LRP1: variants seen among roughly 807,000 people sequenced by gnomAD.
The protein encoded by LRP1 is prolow-density lipoprotein receptor-related protein 1.
LRP1 carries 51 observed loss-of-function variants against 541.5 expected under a neutral mutation model. The observed-to-expected ratio is 0.09, with a 90% CI of 0.08 to 0.12. The LOEUF (loss-of-function observed/expected upper bound fraction) is 0.12. LRP1 is among the 10% of genes least tolerant of loss of function. The pLI, the probability that LRP1 is intolerant of heterozygous loss-of-function variation, is 1.00. For synonymous variants in LRP1, 2,219 were observed against 2,470.8 expected, an observed-to-expected ratio of 0.90 and a Z score of 3.02; for missense variants, 3,878 against 6,376.2, an observed-to-expected ratio of 0.61 and a Z score of 13.34.
In LRP1 at chr12:57,202,528, G is replaced by A. The variant is rs1345514285; in HGVS notation, c.10702G>A (p.Glu3568Lys). ...DNDCGDNSDE[E>K]SCTPRPCSES... is the part of the protein sequence containing the mutation. Reference sequence around the variant, plus strand: ...CGATTGCGGTGACAACTCCGATGAAGAGAGCTGCAGTACGTCCCCACCCAC... The same window carrying A: ...CGATTGCGGTGACAACTCCGATGAAAAGAGCTGCAGTACGTCCCCACCCAC... The change falls in exon 68 of 89, where the codon GAG becomes AAG. Residue 3568 changes from glutamate (E) to lysine (K), a missense_variant. By Grantham distance (56) the Glu-to-Lys change is moderately conservative (BLOSUM62 1). Coordinates refer to ENST00000243077, the MANE Select transcript of LRP1 (RefSeq NM_002332.3). The A allele has an allele frequency of 6.2e-7, 1 of 1,605,194 alleles. No individual in the cohort carries two copies. The highest frequency in any genetic ancestry group is 1.1e-5 in the South Asian group (1 of 89,666).
chr12:57,145,195 G>A (rs370313540), intron 5 of LRP1, 32 bp from the exon 6 acceptor site: 15 of 1,613,648 alleles, frequency 9.3e-6, no homozygotes, highest in African/African-American at 1.3e-5. Flanking sequence ...TAGAGCCCTG[G>A]CTGCACGGAC....
chr12:57,132,083 A>T (rs1204283973), intron 1 of LRP1: 5 of 152,304 alleles, frequency 3.3e-5, no homozygotes, highest in Non-Finnish European at 5.9e-5. Context: ...GTGCAGCTGA[A>T]TGGTACTGCA....
chr12:57,212,804 G>T lies in LRP1; in HGVS notation c.*249G>T. 4.2e-6 allele frequency: 2 copies of T among 476,064 alleles called. No individual in the cohort carries two copies. Among genetic ancestry groups the T allele is most frequent in the South Asian group, 2.6e-5 (1 of 38,302 alleles). 29.5% of individuals were successfully genotyped at this position (476,064 alleles called of 1,614,324 possible). On this transcript the variant is annotated 3_prime_UTR_variant, in exon 89 of 89. Transcript: ENST00000243077. The surrounding 1 kb of genome is among the most constrained non-coding windows in gnomAD (Gnocchi z 5.0). ...AGGGAGACAGGCAGGGAGGGCTTGGGGCTGCACCTCCTACCCTCCCACCAG... is the reference window on the plus strand; with the variant it reads ...AGGGAGACAGGCAGGGAGGGCTTGGTGCTGCACCTCCTACCCTCCCACCAG...
chr12:57,149,033 G>T, intron 6 of LRP1: 1 of 653,560 alleles, frequency 1.5e-6, no homozygotes, highest in East Asian at 2.9e-5. Context: ...TTGTCTAGAG[G>T]GGAGGCAAAG....
chr12:57,211,001 T>C lies in LRP1; in HGVS notation c.12916+122T>C. On this transcript the variant is annotated intron_variant, in intron 83 of 88. Coordinates refer to ENST00000243077, the MANE Select transcript of LRP1 (RefSeq NM_002332.3). This position sits in a 1 kb window ranked among gnomAD's most constrained non-coding sequence, Gnocchi z 4.3. ...GGCAAGTTCAGGAAAGAAGGCCTTATGCAGCTGAGCCAGGCCCAAGCTGCT... is the reference window on the plus strand; with the variant it reads ...GGCAAGTTCAGGAAAGAAGGCCTTACGCAGCTGAGCCAGGCCCAAGCTGCT... 3 of 1,431,358 alleles carry C rather than the reference T, an allele frequency of 2.1e-6. No individual in the cohort carries two copies. The highest frequency in any genetic ancestry group is 2.8e-6 in the Non-Finnish European group (3 of 1,063,544). The allele number at this position is 1,431,358 out of a possible 1,614,324, so 88.7% of individuals were successfully genotyped here.
At chr12:57,145,869 T>C (rs1468801712) in intron 6 of LRP1, among the ~76,000 whole-genome samples, 1 of 152,098 alleles carries the variant, frequency 6.6e-6, no homozygotes, top group African/African-American at 2.4e-5. Flanking sequence ...GGTGCCCTGT[T>C]AGGCTGCAGC....
intron 15 of LRP1, among the ~76,000 whole-genome samples, chr12:57,163,963 G>C (rs2035789948): frequency 6.6e-6 from 1 of 152,162 alleles, no homozygotes; most frequent in African/African-American, 2.4e-5. Context: ...TTGAGGTCAG[G>C]AGTTCGAGAC....
rs535646304 is a variant in LRP1, at chr12:57,161,508, T to G, written c.2202+393T>G. On this transcript the variant is annotated intron_variant, in intron 13 of 88. Coordinates refer to ENST00000243077, the MANE Select transcript of LRP1 (RefSeq NM_002332.3). ...GCCTAGGGACGGCATATCTCTACAC[T>G]TGGTCATTTGGGTTGTCATGTGCTT... Among the ~76,000 whole-genome samples, 3 of 152,232 alleles carry G rather than the reference T, an allele frequency of 2.0e-5. No individual in the cohort carries two copies. The South Asian group carries it at 6.2e-4, about 32-fold the overall frequency.
In LRP1 at chr12:57,144,634, A is replaced by G; in HGVS notation, c.449-338A>G. 3 of 287,432 alleles carry G rather than the reference A, an allele frequency of 1.0e-5. No individual in the cohort carries two copies. In the South Asian group the frequency reaches 1.5e-4, roughly 14 times the overall value. 17.8% of individuals were successfully genotyped at this position (287,432 alleles called of 1,614,324 possible). On this transcript the variant is annotated intron_variant, in intron 4 of 88. Coordinates refer to ENST00000243077, the MANE Select transcript of LRP1 (RefSeq NM_002332.3). ...TGTTTCATATGTTATTATAGTAACT[A>G]TATTTCATTTATTATCTGAATATAA...
In LRP1 at chr12:57,208,790, G is replaced by C. The variant is rs200387367; in HGVS notation, c.12118G>C (p.Val4040Leu). Reference protein sequence around the residue: ...AMDGTLRETLVQDNIQWPTGL... With the variant: ...AMDGTLRETLLQDNIQWPTGL... ...GGATGGGACGCTTCGGGAGACACTGGTGCAGGACAACATTCAGTGGCCCAC... is the reference window on the plus strand; with the variant it reads ...GGATGGGACGCTTCGGGAGACACTGCTGCAGGACAACATTCAGTGGCCCAC... Residue 4040 changes from valine (V) to leucine (L), a missense_variant, in exon 78 of 89, where the codon GTG (valine) becomes CTG (leucine). Around this residue, in one of 13 missense-constraint regions of LRP1, gnomAD observed 871 missense variants for 1,212.4 expected, o/e 0.72. Transcript: ENST00000243077. 1 of 1,614,098 alleles carries C rather than the reference G, an allele frequency of 6.2e-7. No homozygotes were observed. The highest frequency in any genetic ancestry group is 8.5e-7 in the Non-Finnish European group (1 of 1,180,004).
At position 57,183,526 on chromosome 12, in the gene LRP1, G is replaced by C. The variant is rs1402874976; in HGVS notation, c.5794+16G>C. 20 of 1,610,550 alleles carry C rather than the reference G, an allele frequency of 1.2e-5. No homozygotes were observed. Among genetic ancestry groups the C allele is most frequent in the Non-Finnish European group, 1.6e-5 (19 of 1,177,668 alleles). ...TTCCACGCTGGTGAGCCATTTGGTG[G>C]CAGAGGGAGTTGGGCGTGGCGTAGG... On this transcript the variant is annotated intron_variant, in intron 35 of 88. Coordinates refer to ENST00000243077, the MANE Select transcript of LRP1 (RefSeq NM_002332.3). This position sits in a 1 kb window ranked among gnomAD's most constrained non-coding sequence, Gnocchi z 6.1.
chr12:57,149,786 G>T, intron 6 of LRP1: 1 of 706,840 alleles, frequency 1.4e-6, no homozygotes. Context: ...AGGAAACAAG[G>T]AGCATGAGGC....
At chr12:57,137,516 T>C (rs2035197548) in intron 1 of LRP1, among the ~76,000 whole-genome samples, 1 of 152,146 alleles carries the variant, frequency 6.6e-6, no homozygotes, top group Non-Finnish European at 1.5e-5. Flanking sequence ...AAAGTCTCCC[T>C]GAGGTCTAAC....
In LRP1 at chr12:57,183,716, G is replaced by A; in HGVS notation, c.5795-59G>A. On this transcript the variant is annotated intron_variant, in intron 35 of 88. Coordinates refer to ENST00000243077, the MANE Select transcript of LRP1 (RefSeq NM_002332.3). The surrounding 1 kb of genome is among the most constrained non-coding windows in gnomAD (Gnocchi z 6.1). ...TCTGTCTTGAGCCTTGTGAGATTTT[G>A]ACCCCTCACCTTACCCCTGCCTTAT... The A allele has an allele frequency of 6.2e-7, 1 of 1,603,960 alleles. No homozygotes were observed. The highest frequency in any genetic ancestry group is 8.5e-7 in the Non-Finnish European group (1 of 1,175,678).
chr12:57,204,854 C>T lies in LRP1; in HGVS notation c.11194+105C>T. The stretch of plus-strand genomic sequence containing the variant: ...CTGGGGTTAGGGTTAACCAGGAGGA[C>T]TCGCCCAGGAAGGGGAGGATCCATT... On this transcript the variant is annotated intron_variant, in intron 72 of 88. Transcript: ENST00000243077. This position sits in a 1 kb window ranked among gnomAD's most constrained non-coding sequence, Gnocchi z 5.3. 1 of 1,527,040 alleles carries T rather than the reference C, an allele frequency of 6.5e-7. No individual in the cohort carries two copies. 94.6% of individuals were successfully genotyped at this position (1,527,040 alleles called of 1,614,324 possible).
chr12:57,157,809 G>T (rs1176484785), intron 10 of LRP1, among the ~76,000 whole-genome samples: 8 of 152,248 alleles, frequency 5.3e-5, no homozygotes. Context: ...AGTGTGGCAA[G>T]CCAGAGGAAC....
chr12:57,197,589 G>C lies in LRP1; in HGVS notation c.9207G>C (p.Gln3069His). The C allele has an allele frequency of 6.2e-7, 1 of 1,614,114 alleles. No homozygotes were observed. The highest frequency in any genetic ancestry group is 8.5e-7 in the Non-Finnish European group (1 of 1,180,022). Residue 3069 changes from glutamine to histidine, a missense_variant, in exon 58 of 89, where the codon CAG becomes CAC. Physicochemically the swap from Gln to His is conservative, Grantham distance 24. Transcript: ENST00000243077. This position sits in a 1 kb window ranked among gnomAD's most constrained non-coding sequence, Gnocchi z 4.5. ...CCTTGGATTTTGACTACCGAGAGCA[G>C]ATGATCTACTGGACAGATGTGACCA... ...AVALDFDYRE[Q>H]MIYWTDVTTQ...
Position 57,183,545 on chromosome 12 carries a change from G to C in LRP1, c.5794+35G>C. On this transcript the variant is annotated intron_variant, in intron 35 of 88. Coordinates refer to ENST00000243077, the MANE Select transcript of LRP1 (RefSeq NM_002332.3). The surrounding 1 kb of genome is among the most constrained non-coding windows in gnomAD (Gnocchi z 6.1). ...TTGGTGGCAGAGGGAGTTGGGCGTG[G>C]CGTAGGAGCTTTAGGGGTGGTGTGG... The C allele has an allele frequency of 6.2e-7, 1 of 1,601,262 alleles. No homozygotes were observed. The highest frequency in any genetic ancestry group is 8.5e-7 in the Non-Finnish European group (1 of 1,172,362).
chr12:57,172,523 C>T (rs1281834507), intron 20 of LRP1, among the ~76,000 whole-genome samples: 1 of 152,146 alleles, frequency 6.6e-6, no homozygotes, highest in Non-Finnish European at 1.5e-5. Context: ...TGAGACTTTG[C>T]AGCGGCTGTT....
Sources: allele counts gnomAD v4.1 joint callset (sites outside exome capture counted in the v4.1 genomes callset), GRCh38; gene constraint gnomAD v4.1.1; regional missense constraint gnomAD v4.1.1; non-coding constraint Gnocchi (gnomAD v3.1); transcripts MANE v1.5; gene names NCBI Gene and HGNC (gene_info 2026-07-23, HGNC 2026-07-21).